The following FRMD4B variants were observed in gnomAD, a reference collection of about 807,000 sequenced individuals.
The protein encoded by FRMD4B is FERM domain containing 4B, also known as FERM domain-containing protein 4B.
FRMD4B carries 74 observed loss-of-function variants against 141.5 expected under a neutral mutation model. That is an observed-to-expected ratio of 0.52 (90% CI 0.43 to 0.63). The LOEUF is 0.63. Ranked by LOEUF, FRMD4B falls within the 30% of genes least tolerant of loss-of-function variation. The probability of loss-of-function intolerance (pLI) is 0.00; values close to 1 mark genes in which losing one functional copy is unlikely to be tolerated. For missense variants in FRMD4B, 1,366 were observed against 1,253.4 expected (o/e 1.09, Z -1.36); for synonymous variants, 506 against 467.9 (o/e 1.08, Z -1.05).
At chr3:69,460,517 C>G (rs965731924) in intron 1 of FRMD4B, among the ~76,000 whole-genome samples, 2 of 152,122 alleles carry the variant, frequency 1.3e-5, no homozygotes, top group African/African-American at 4.8e-5. Flanking sequence ...TCAGTAATTC[C>G]CAAACTGGTT....
At chr3:69,316,518 A>G (rs1427076347) in intron 1 of FRMD4B, among the ~76,000 whole-genome samples, 1 of 151,920 alleles carries the variant, frequency 6.6e-6, no homozygotes, top group Admixed American at 6.6e-5. Context: ...AAAAAAAGTC[A>G]TCTTTTTTTT....
intron 2 of FRMD4B, among the ~76,000 whole-genome samples, chr3:69,414,427 A>G (rs1035387023): frequency 6.6e-6 from 1 of 152,214 alleles, no homozygotes; most frequent in South Asian, 2.1e-4. Flanking sequence ...GAAACCATGC[A>G]TCATGTAAGA....
intron 5 of FRMD4B, among the ~76,000 whole-genome samples, chr3:69,287,024 C>T (rs1163232296): frequency 3.3e-5 from 5 of 152,092 alleles, no homozygotes; most frequent in African/African-American, 7.2e-5. Flanking sequence ...AGGCTGGTCT[C>T]GAACTACTGA....
chr3:69,255,679 T>G (rs960133834), intron 5 of FRMD4B, among the ~76,000 whole-genome samples: 2 of 152,188 alleles, frequency 1.3e-5, no homozygotes, highest in East Asian at 3.8e-4. Flanking sequence ...CTTCTTTCCC[T>G]ATGGCTCTAG....
intron 7 of FRMD4B, among the ~76,000 whole-genome samples, chr3:69,248,244 TAC>T (rs147851519): frequency 1.7e-4 from 26 of 150,764 alleles, no homozygotes; most frequent in Admixed American, 4.6e-4. Context: ...AAAATGTAAA[TAC>T]ACACACACAC....
At chr3:69,428,515 T>A (rs1179218654) in intron 2 of FRMD4B, among the ~76,000 whole-genome samples, 1 of 151,302 alleles carries the variant, frequency 6.6e-6, no homozygotes, top group Non-Finnish European at 1.5e-5. Flanking sequence ...GGAAAATAGA[T>A]TTTTTTTCTT....
In FRMD4B at chr3:69,413,481, C is replaced by A. The variant is rs1364911983; in HGVS notation, c.-1+19153G>T. Among the ~76,000 whole-genome samples, 3 of 152,166 alleles carry A rather than the reference C, an allele frequency of 2.0e-5. No homozygotes were observed. In the East Asian group the frequency reaches 5.8e-4, roughly 29 times the overall value. Reference sequence around the variant, plus strand: ...AATGCAATTAGGCACACTAAATGTTCTTACTAATTCTTCTCAAATACTTTC... The same window carrying A: ...AATGCAATTAGGCACACTAAATGTTATTACTAATTCTTCTCAAATACTTTC... On this transcript the variant is annotated intron_variant, in intron 2 of 5. Coordinates refer to the FRMD4B transcript ENST00000459638.
intron 1 of FRMD4B, among the ~76,000 whole-genome samples, chr3:69,455,315 C>A (rs992722304): frequency 6.6e-6 from 1 of 152,210 alleles, no homozygotes. Context: ...TTTGTTCTTT[C>A]ACTCTTTGCA....
chr3:69,426,465 C>T (rs1027951639), intron 2 of FRMD4B, among the ~76,000 whole-genome samples: 1 of 152,130 alleles, frequency 6.6e-6, no homozygotes, highest in African/African-American at 2.4e-5. Flanking sequence ...TTAATACCAA[C>T]CTATTGGTAA....
chr3:69,524,604 G>T (rs1222687550), intron 1 of FRMD4B, among the ~76,000 whole-genome samples: 1 of 152,188 alleles, frequency 6.6e-6, no homozygotes, highest in African/African-American at 2.4e-5. Flanking sequence ...CCACACAAAG[G>T]TAGGGGAACC....
Position 69,365,601 on chromosome 3 carries a change from A to G in FRMD4B, c.162+20227T>C, listed in dbSNP as rs569663564. Among the ~76,000 whole-genome samples the G allele has an allele frequency of 1.3e-3, 191 of 150,238 alleles. 2 individuals are homozygous for G. Among genetic ancestry groups the G allele is most frequent in the African/African-American group, 3.8e-3 (154 of 40,326 alleles). On this transcript the variant is annotated intron_variant, in intron 1 of 22. Transcript: ENST00000398540. ...CTCACCACAAACTGCCTCCCGAATC[A>G]AGCAATTCTCCTGCCTTAGCCTCTG...
intron 5 of FRMD4B, 127 bp from the exon 6 acceptor site, chr3:69,250,226 T>C (rs562715700): frequency 4.0e-6 from 3 of 748,540 alleles, no homozygotes; most frequent in Admixed American, 3.6e-5. Context: ...GATCATACCA[T>C]TGCAGGGGAA....
intron 5 of FRMD4B, among the ~76,000 whole-genome samples, chr3:69,270,583 T>TTTG (rs2093589964): frequency 6.6e-6 from 1 of 151,766 alleles, no homozygotes; most frequent in Non-Finnish European, 1.5e-5. Context: ...TTTTTTTTTT[T>TTTG]TGAGACGGAG....
intron 1 of FRMD4B, among the ~76,000 whole-genome samples, chr3:69,433,953 A>C (rs1705219782): frequency 6.6e-6 from 1 of 152,214 alleles, no homozygotes; most frequent in Non-Finnish European, 1.5e-5. Flanking sequence ...AATGAGGTAC[A>C]GAAAGAGAGA....
chr3:69,422,613 T>C (rs919254513), intron 2 of FRMD4B, among the ~76,000 whole-genome samples: 5 of 152,180 alleles, frequency 3.3e-5, no homozygotes, highest in Non-Finnish European at 7.3e-5. Flanking sequence ...GTGGGCTATA[T>C]GATCACTATG....
At chr3:69,385,358 T>C (rs1274495988) in intron 1 of FRMD4B, among the ~76,000 whole-genome samples, 2 of 152,160 alleles carry the variant, frequency 1.3e-5, no homozygotes, top group African/African-American at 4.8e-5. Context: ...GCCTTACAAG[T>C]TGGGGCTGCC....
chr3:69,200,365 A>G, intron 11 of FRMD4B: 1 of 895,606 alleles, frequency 1.1e-6, no homozygotes, highest in Admixed American at 5.6e-5. Flanking sequence ...GTATAAAGTT[A>G]CATACCCATT....
At chr3:69,486,969 T>A (rs1706226004) in intron 1 of FRMD4B, among the ~76,000 whole-genome samples, 2 of 152,198 alleles carry the variant, frequency 1.3e-5, no homozygotes, top group African/African-American at 4.8e-5. Context: ...TTTGAGTCAC[T>A]ATATTCCTTA....
intron 4 of FRMD4B, among the ~76,000 whole-genome samples, chr3:69,293,435 G>A (rs1214016705): frequency 6.6e-6 from 1 of 151,582 alleles, no homozygotes; most frequent in African/African-American, 2.4e-5. Context: ...GGTTTGAAAT[G>A]TGCTTAACAT....
Sources: gnomAD v4.1 joint callset for allele counts (sites outside exome capture counted in the v4.1 genomes callset) on GRCh38, gnomAD v4.1.1 for gene constraint, MANE v1.5 for transcripts, NCBI Gene and HGNC (gene_info 2026-07-23, HGNC 2026-07-21) for gene names.